CORO2B: variants seen among roughly 807,000 people sequenced by gnomAD.
The protein encoded by CORO2B is coronin-2B.
A neutral mutation model predicts 58.8 loss-of-function variants in CORO2B; 26 were observed. The observed-to-expected ratio is 0.44, with a 90% CI of 0.32 to 0.61. CORO2B has a LOEUF of 0.61. Among genes scored for constraint, CORO2B ranks in the 20% least tolerant of loss-of-function variants. The pLI is 0.04. For missense variants in CORO2B, 460 were observed against 645.1 expected (o/e 0.71, Z 3.11); for synonymous variants, 242 against 253.8 (o/e 0.95, Z 0.44).
chr15:68,541,761 C>A, the CORO2B span, among the ~76,000 whole-genome samples: 2 of 152,196 alleles, frequency 1.3e-5, no homozygotes, highest in African/African-American at 4.8e-5. Flanking sequence ...GTGATTCTTT[C>A]GCTGGCTCAT....
intron 1 of CORO2B, among the ~76,000 whole-genome samples, chr15:68,595,125 A>G (rs1251478354): frequency 6.6e-6 from 1 of 152,244 alleles, no homozygotes; most frequent in African/African-American, 2.4e-5. Flanking sequence ...CCAACTCTGC[A>G]GCATTCGAGG....
the CORO2B span, among the ~76,000 whole-genome samples, chr15:68,542,571 A>G: frequency 2.6e-5 from 4 of 152,354 alleles, no homozygotes; most frequent in Non-Finnish European, 4.4e-5. Context: ...CTTAAAATCA[A>G]TAAGAGCTTA....
chr15:68,543,475 G>A, the CORO2B span, among the ~76,000 whole-genome samples: 1 of 152,114 alleles, frequency 6.6e-6, no homozygotes, highest in Admixed American at 6.5e-5. Context: ...AGAGACAGAG[G>A]ATAAGAGCAT....
chr15:68,552,546 G>A, the CORO2B span, among the ~76,000 whole-genome samples: 13 of 151,994 alleles, frequency 8.6e-5, no homozygotes, highest in African/African-American at 2.9e-4. Context: ...CCCATCAGAG[G>A]GAGTCTGTGT....
At chr15:68,704,044 AC>A (rs35758597) in intron 3 of CORO2B, among the ~76,000 whole-genome samples, 18,685 of 53,976 alleles carry the variant, frequency 0.35, 1,412 homozygotes, top group Non-Finnish European at 0.4. Flanking sequence ...ACACATACAC[AC>A]ACACACACAC....
the CORO2B span, among the ~76,000 whole-genome samples, chr15:68,530,511 C>T: frequency 6.6e-6 from 1 of 152,056 alleles, no homozygotes; most frequent in Non-Finnish European, 1.5e-5. Flanking sequence ...AAGTCTTCTT[C>T]ATCTTTGTTG....
intron 3 of CORO2B, among the ~76,000 whole-genome samples, chr15:68,701,471 C>T (rs1892644813): frequency 9.0e-6 from 1 of 111,090 alleles, no homozygotes. Flanking sequence ...GCAACCACGC[C>T]CGGCTAATTT....
intron 2 of CORO2B, among the ~76,000 whole-genome samples, chr15:68,669,330 G>A (rs1483800029): frequency 6.6e-6 from 1 of 152,178 alleles, no homozygotes; most frequent in African/African-American, 2.4e-5. Flanking sequence ...ACAACTGGGT[G>A]TGTGAAATCC....
intron 6 of CORO2B, 25 bp downstream of exon 6, chr15:68,714,066 GT>G: frequency 6.5e-7 from 1 of 1,533,920 alleles, no homozygotes; most frequent in Non-Finnish European, 9.0e-7. Flanking sequence ...GGCCTGCTGG[GT>G]TTGGGCTAAA....
chr15:68,644,848 G>C (rs745905039), intron 1 of CORO2B, among the ~76,000 whole-genome samples: 22 of 152,168 alleles, frequency 1.4e-4, no homozygotes, highest in Non-Finnish European at 2.8e-4. Flanking sequence ...TCACATGATA[G>C]GTTCCTGGGT....
intron 3 of CORO2B, 119 bp downstream of exon 3, chr15:68,695,375 A>G (rs1596020771): frequency 5.4e-6 from 4 of 746,284 alleles, no homozygotes; most frequent in East Asian, 2.5e-5. Context: ...CCTCTTTGTC[A>G]TCTTTCCAGC....
chr15:68,549,879 T>C, the CORO2B span, among the ~76,000 whole-genome samples: 1 of 151,920 alleles, frequency 6.6e-6, no homozygotes, highest in African/African-American at 2.4e-5. Flanking sequence ...AGATGGAGGT[T>C]GCAGTGAGCT....
At chr15:68,584,720 C>A (rs1899509022) in intron 1 of CORO2B, among the ~76,000 whole-genome samples, 1 of 152,216 alleles carries the variant, frequency 6.6e-6, no homozygotes, top group Non-Finnish European at 1.5e-5. Context: ...TGTCTCCTTC[C>A]CTCTTTTCCT....
chr15:68,524,109 C>G, the CORO2B span, among the ~76,000 whole-genome samples: 1 of 151,760 alleles, frequency 6.6e-6, no homozygotes, highest in African/African-American at 2.4e-5. Context: ...GCTTGCAGTC[C>G]CAACTACTTG....
chr15:68,675,533 T>C (rs548161420), intron 2 of CORO2B, among the ~76,000 whole-genome samples: 2 of 152,302 alleles, frequency 1.3e-5, no homozygotes, highest in East Asian at 1.9e-4. Flanking sequence ...TGCCACTTAG[T>C]TGCTGCGTGA....
chr15:68,594,245 G>A (rs1385532411), intron 1 of CORO2B, among the ~76,000 whole-genome samples: 1 of 152,224 alleles, frequency 6.6e-6, no homozygotes, highest in East Asian at 1.9e-4. Flanking sequence ...GTGCCTGTCT[G>A]TGCAGGAACC....
intron 1 of CORO2B, among the ~76,000 whole-genome samples, chr15:68,599,635 C>A (rs1411373466): frequency 6.6e-6 from 1 of 152,070 alleles, no homozygotes; most frequent in Admixed American, 6.5e-5. Context: ...ATCTGGGTTG[C>A]CCTTGAGGAA....
intron 2 of CORO2B, among the ~76,000 whole-genome samples, chr15:68,667,577 T>C (rs953437888): frequency 2.0e-5 from 3 of 152,210 alleles, no homozygotes; most frequent in Admixed American, 2.0e-4. Context: ...CACATCTGCC[T>C]GATGGCAAAG....
chr15:68,650,205 C>G (rs369232667), intron 2 of CORO2B, among the ~76,000 whole-genome samples: 6 of 151,936 alleles, frequency 3.9e-5, no homozygotes, highest in African/African-American at 1.5e-4. Context: ...CCCGTCTCTA[C>G]TAAAAATACA....
Sources: gnomAD v4.1 joint callset for allele counts (sites outside exome capture counted in the v4.1 genomes callset) on GRCh38, gnomAD v4.1.1 for gene constraint, MANE v1.5 for transcripts, NCBI Gene and HGNC (gene_info 2026-07-23, HGNC 2026-07-21) for gene names.